Variants in GNAS-AS1 observed in about 807,000 individuals in gnomAD.
GNAS-AS1 encodes GNAS antisense RNA 1 (non-protein coding).
chr20:58,818,946 G>C (rs1054120963), exon 5 of GNAS-AS1: 1 of 398,068 alleles, frequency 2.5e-6, no homozygotes. Flanking sequence ...AGGGCCTGCC[G>C]GGCCTTTATT....
In GNAS-AS1 at chr20:58,841,522, G is replaced by T; in HGVS notation, n.819+415C>A. ...TAAGCCGCGGGACCTCCGCGCCAGT[G>T]CCTCCAGCTGCCGTGCGCCAGCCTT... On this transcript the variant is annotated intron_variant and non_coding_transcript_variant, in intron 4 of 4. Transcript: ENST00000424094. The surrounding 1 kb of genome is among the most constrained non-coding windows in gnomAD (Gnocchi z 5.0). 1 of 993,450 alleles carries T rather than the reference G, an allele frequency of 1.0e-6. No individual in the cohort carries two copies. Among genetic ancestry groups the T allele is most frequent in the Non-Finnish European group, 1.2e-6 (1 of 835,674 alleles). 61.5% of individuals were successfully genotyped at this position (993,450 alleles called of 1,614,324 possible). A position where few individuals can be genotyped will look rare whatever the true frequency, so the allele number is the denominator to read the frequency against.
intron 4 of GNAS-AS1, chr20:58,838,713 T>C (rs1174767146): frequency 7.2e-6 from 2 of 278,068 alleles, no homozygotes; most frequent in Non-Finnish European, 1.3e-5. Context: ...AGGTCAGGAG[T>C]TTGAAACCAG....
intron 4 of GNAS-AS1, among the ~76,000 whole-genome samples, chr20:58,828,518 A>G (rs2085534656): frequency 6.6e-6 from 1 of 152,166 alleles, no homozygotes; most frequent in Non-Finnish European, 1.5e-5. Context: ...AGCTGGTCCC[A>G]CCTCTCTAAG....
intron 1 of GNAS-AS1, chr20:58,849,056 G>A (rs1217706990): frequency 2.5e-6 from 1 of 392,844 alleles, no homozygotes; most frequent in Non-Finnish European, 4.5e-6. Context: ...GCTTATAGTG[G>A]TGATTTTCAA....
intron 4 of GNAS-AS1, among the ~76,000 whole-genome samples, chr20:58,823,693 G>A (rs973351294): frequency 3.3e-5 from 5 of 152,246 alleles, no homozygotes; most frequent in Admixed American, 6.5e-5. Context: ...TGTCAGAAGG[G>A]GCAGAGCTGC....
chr20:58,819,159 A>T (rs2085468712), exon 5 of GNAS-AS1: 1 of 398,628 alleles, frequency 2.5e-6, no homozygotes. Context: ...TTGAAGTACT[A>T]TGGTTTTCAA....
At chr20:58,836,714 G>C (rs1025803999) in intron 4 of GNAS-AS1, among the ~76,000 whole-genome samples, 4 of 152,192 alleles carry the variant, frequency 2.6e-5, no homozygotes, top group Non-Finnish European at 5.9e-5. Flanking sequence ...AAGAGCATCT[G>C]CTGTACGGCT....
intron 4 of GNAS-AS1, among the ~76,000 whole-genome samples, chr20:58,826,305 G>A (rs1217152422): frequency 6.6e-6 from 1 of 152,190 alleles, no homozygotes. Flanking sequence ...CGGGAGGGCT[G>A]GGGGCCCAAA....
exon 1 of GNAS-AS1, chr20:58,850,600 A>G (rs1192382519): frequency 7.5e-6 from 3 of 398,896 alleles, no homozygotes; most frequent in Non-Finnish European, 1.3e-5. Context: ...TCCTCGCAGT[A>G]AGCCCTCTCC....
chr20:58,824,391 C>T (rs1301020244), intron 4 of GNAS-AS1, among the ~76,000 whole-genome samples: 1 of 152,194 alleles, frequency 6.6e-6, no homozygotes, highest in Non-Finnish European at 1.5e-5. Context: ...AAGAACTCTT[C>T]TGAGGGTTCT....
At chr20:58,820,340 C>G (rs1348014582) in intron 4 of GNAS-AS1, among the ~76,000 whole-genome samples, 1 of 152,214 alleles carries the variant, frequency 6.6e-6, no homozygotes, top group African/African-American at 2.4e-5. Flanking sequence ...TCTAGAAGCA[C>G]CAGGTAGACG....
At chr20:58,839,233 A>T (rs1044314115) in intron 4 of GNAS-AS1, 5 of 398,412 alleles carry the variant, frequency 1.3e-5, no homozygotes, top group Non-Finnish European at 1.8e-5. Context: ...TTGTTTGGAA[A>T]CTTTTCTAAT....
At chr20:58,843,097 T>A (rs1157827228) in intron 2 of GNAS-AS1, among the ~76,000 whole-genome samples, 1 of 152,092 alleles carries the variant, frequency 6.6e-6, no homozygotes, top group Non-Finnish European at 1.5e-5. Flanking sequence ...ACACTGTCTT[T>A]CAGACAGTCT....
At chr20:58,838,461 C>A (rs1031742505) in intron 4 of GNAS-AS1, among the ~76,000 whole-genome samples, 4 of 152,176 alleles carry the variant, frequency 2.6e-5, no homozygotes, top group Admixed American at 6.5e-5. Context: ...CAGAGGGATT[C>A]TGACTGATTC....
intron 4 of GNAS-AS1, among the ~76,000 whole-genome samples, chr20:58,820,856 C>T (rs1236404743): frequency 2.0e-5 from 3 of 152,242 alleles, no homozygotes; most frequent in Non-Finnish European, 4.4e-5. Context: ...TCACCTCCCA[C>T]CCAGTTCCTC....
At position 58,841,424 on chromosome 20, in the gene GNAS-AS1, C is replaced by G; in HGVS notation, n.819+513G>C. ...GGGCGAGAACTCTAGAGACTGACCA[C>G]CCGGGAGGGAAGTCACGCGCGCGCG... On this transcript the variant is annotated intron_variant and non_coding_transcript_variant, in intron 4 of 4. Coordinates refer to ENST00000424094, the Ensembl canonical transcript of GNAS-AS1. This position sits in a 1 kb window ranked among gnomAD's most constrained non-coding sequence, Gnocchi z 5.0. The G allele has an allele frequency of 1.0e-6, 1 of 992,834 alleles. No homozygotes were observed. The highest frequency in any genetic ancestry group is 5.2e-4 in the Middle Eastern group (1 of 1,934). 61.5% of individuals were successfully genotyped at this position (992,834 alleles called of 1,614,324 possible).
intron 4 of GNAS-AS1, chr20:58,839,731 C>G (rs1013527043): frequency 6.0e-6 from 3 of 499,678 alleles, no homozygotes; most frequent in African/African-American, 5.8e-5. Flanking sequence ...ACCTCACTGC[C>G]CGTCCCTCCT....
rs920256217 is a variant in GNAS-AS1, at chr20:58,828,450, T to C, written n.820-9195A>G. 4.6e-5 allele frequency among the ~76,000 whole-genome samples: 7 copies of C among 152,182 alleles called. No individual in the cohort carries two copies. The East Asian group carries it at 9.7e-4, about 21-fold the overall frequency. On this transcript the variant is annotated intron_variant and non_coding_transcript_variant, in intron 4 of 4. Coordinates refer to ENST00000424094, the Ensembl canonical transcript of GNAS-AS1. ...ATTCTCTGCTTGGTGTAGTAAACAA[T>C]TGAGGGATAGAACTAGGACTAGAAA...
In GNAS-AS1 at chr20:58,830,145, TAC is replaced by T. The variant is rs1394328463; in HGVS notation, n.820-10892_820-10891del. 2.7e-5 allele frequency among the ~76,000 whole-genome samples: 4 copies of T among 150,260 alleles called. No individual in the cohort carries two copies. In the East Asian group the frequency reaches 7.8e-4, roughly 29 times the overall value. On this transcript the variant is annotated intron_variant and non_coding_transcript_variant, in intron 4 of 4. Coordinates refer to ENST00000424094, the Ensembl canonical transcript of GNAS-AS1. ...CACCTCTTGGCCATTACCACCACCA[TAC>T]CACCACCACCACCACTGCTATACCA...
Sources: gnomAD v4.1 joint callset for allele counts (sites outside exome capture counted in the v4.1 genomes callset) on GRCh38, gnomAD v4.1.1 for gene constraint, Gnocchi (gnomAD v3.1) non-coding constraint, MANE v1.5 for transcripts, NCBI Gene and HGNC (gene_info 2026-07-23, HGNC 2026-07-21) for gene names.